AUTS2: variants seen among roughly 807,000 people sequenced by gnomAD.
AUTS2 encodes the protein autism susceptibility gene 2 protein.
Under a neutral mutation model 112.4 loss-of-function variants are expected in AUTS2, and 17 were observed. The ratio of observed to expected loss-of-function variants is 0.15; its 90% confidence interval spans 0.10 to 0.23. The LOEUF is 0.23. AUTS2 is among the 10% of genes least tolerant of loss of function. The pLI is 1.00. For synonymous variants in AUTS2, 751 were observed against 702.7 expected, an observed-to-expected ratio of 1.07 and a Z score of -1.09; for missense variants, 1,510 against 1,701.6, an observed-to-expected ratio of 0.89 and a Z score of 1.98.
intron 4 of AUTS2, among the ~76,000 whole-genome samples, chr7:70,187,729 T>G (rs1190440576): frequency 1.3e-5 from 2 of 151,056 alleles, no homozygotes; most frequent in Non-Finnish European, 2.9e-5. Flanking sequence ...GTACATGTCA[T>G]AATAAAAGGA....
Position 69,624,092 on chromosome 7 carries a change from C to G in AUTS2, c.309+24130C>G, listed in dbSNP as rs546962054. ...ATCTATGTTTTGATTCAGCCTTAAG[C>G]CAGTTCTTGACAGTGACTGTCTATT... On this transcript the variant is annotated intron_variant, in intron 1 of 18. Coordinates refer to ENST00000342771, the MANE Select transcript of AUTS2 (RefSeq NM_015570.4). Among the ~76,000 whole-genome samples, 3 of 152,242 alleles carry G rather than the reference C, an allele frequency of 2.0e-5. No homozygotes were observed. In the South Asian group the frequency reaches 6.2e-4, roughly 32 times the overall value.
chr7:69,696,999 A>G (rs1343536235), intron 1 of AUTS2, among the ~76,000 whole-genome samples: 1 of 152,248 alleles, frequency 6.6e-6, no homozygotes, highest in Non-Finnish European at 1.5e-5. Flanking sequence ...TCTAAGGGAT[A>G]GGTTAGGAAG....
intron 1 of AUTS2, among the ~76,000 whole-genome samples, chr7:69,898,097 G>A (rs1252798394): frequency 6.6e-6 from 1 of 152,022 alleles, no homozygotes; most frequent in Non-Finnish European, 1.5e-5. Context: ...ACATGTTTGA[G>A]GTAATGGATA....
chr7:70,780,266 T>TAGAG (rs1491391210), intron 14 of AUTS2, among the ~76,000 whole-genome samples: 1 of 152,086 alleles, frequency 6.6e-6, no homozygotes, highest in African/African-American at 2.4e-5. Flanking sequence ...GCCTCCAGCC[T>TAGAG]AGAGAAGGAT....
At chr7:69,747,139 C>T (rs2129260120) in intron 1 of AUTS2, among the ~76,000 whole-genome samples, 2 of 152,308 alleles carry the variant, frequency 1.3e-5, no homozygotes, top group Non-Finnish European at 2.9e-5. Flanking sequence ...GTTTCTGATT[C>T]AGGAGGTTTA....
chr7:70,007,704 G>A (rs1017113), intron 2 of AUTS2, among the ~76,000 whole-genome samples: 11,414 of 152,154 alleles, frequency 0.075, 525 homozygotes, highest in African/African-American at 0.11. Context: ...CACACAGTGC[G>A]CAATAGGTGA....
intron 5 of AUTS2, among the ~76,000 whole-genome samples, chr7:70,667,991 A>G (rs759754937): frequency 1.3e-5 from 2 of 152,224 alleles, no homozygotes; most frequent in Non-Finnish European, 2.9e-5. Flanking sequence ...AGGGTGGAGC[A>G]TGAGATTCTG....
intron 2 of AUTS2, among the ~76,000 whole-genome samples, chr7:70,038,984 T>C (rs544667733): frequency 2.0e-4 from 31 of 152,086 alleles, no homozygotes; most frequent in Middle Eastern, 3.4e-3. Context: ...GTCTCGAGCT[T>C]GTGGCCTCAG....
chr7:70,361,737 A>G (rs1477272610), intron 4 of AUTS2, among the ~76,000 whole-genome samples: 2 of 152,160 alleles, frequency 1.3e-5, no homozygotes, highest in Admixed American at 6.6e-5. Flanking sequence ...GGGAGTAAGT[A>G]ATACATGCTC....
chr7:70,023,867 A>G (rs1242487937), intron 2 of AUTS2, among the ~76,000 whole-genome samples: 3 of 152,194 alleles, frequency 2.0e-5, no homozygotes, highest in Admixed American at 6.5e-5. Flanking sequence ...AATGTAAACC[A>G]TAGTTTTTCC....
intron 5 of AUTS2, among the ~76,000 whole-genome samples, chr7:70,654,554 G>C (rs994383048): frequency 6.6e-6 from 1 of 151,984 alleles, no homozygotes; most frequent in Non-Finnish European, 1.5e-5. Context: ...AGGAGTTCCT[G>C]CAAAGAAAGA....
At chr7:70,644,286 G>A (rs762243488) in intron 5 of AUTS2, among the ~76,000 whole-genome samples, 8 of 152,154 alleles carry the variant, frequency 5.3e-5, no homozygotes, top group Non-Finnish European at 8.8e-5. Flanking sequence ...TTGAAGGGAC[G>A]GAGGAGTGGT....
intron 5 of AUTS2, among the ~76,000 whole-genome samples, chr7:70,486,858 G>A (rs1276967647): frequency 6.6e-6 from 1 of 150,978 alleles, no homozygotes; most frequent in Non-Finnish European, 1.5e-5. Context: ...AGTGGTGGTA[G>A]TGGTCCTTTT....
chr7:70,518,734 C>G lies in AUTS2; in HGVS notation c.690+82953C>G, dbSNP rs1285864714. Among the ~76,000 whole-genome samples, 3 of 152,090 alleles carry G rather than the reference C, an allele frequency of 2.0e-5. No individual in the cohort carries two copies. The East Asian group carries it at 5.9e-4, about 30-fold the overall frequency. ...TGTTTGTTTGTTTGAGACAGAGTCT[C>G]ACTCCATGACCCAGGCTGGAGTACA... is the stretch of plus-strand genomic sequence containing the variant. On this transcript the variant is annotated intron_variant, in intron 5 of 18. Transcript: ENST00000342771.
intron 2 of AUTS2, among the ~76,000 whole-genome samples, chr7:70,075,625 T>C (rs1357589211): frequency 2.0e-5 from 3 of 152,162 alleles, no homozygotes; most frequent in Non-Finnish European, 4.4e-5. Context: ...CAAATACACA[T>C]GGCTAAAAGG....
chr7:70,082,891 T>G (rs750621925), intron 2 of AUTS2, among the ~76,000 whole-genome samples: 7 of 152,210 alleles, frequency 4.6e-5, no homozygotes, highest in Non-Finnish European at 1.0e-4. Context: ...TTTTCTTATT[T>G]CCCATCTATC....
intron 2 of AUTS2, among the ~76,000 whole-genome samples, chr7:70,110,593 C>G (rs1304678095): frequency 1.3e-5 from 2 of 152,066 alleles, no homozygotes; most frequent in East Asian, 1.9e-4. Flanking sequence ...CCACTGAACC[C>G]CTTTAAATAA....
chr7:70,053,544 G>GTTTTTTTTTGTTTTTTTTTTTT (rs1801851493), intron 2 of AUTS2, among the ~76,000 whole-genome samples: 3 of 127,848 alleles, frequency 2.3e-5, no homozygotes, highest in African/African-American at 9.3e-5. Flanking sequence ...GTTTTGGGTG[G>GTTTTTTTTTGTTTTTTTTTTTT]TTTTTTTTTT....
chr7:70,365,927 G>A (rs577781866), intron 4 of AUTS2, among the ~76,000 whole-genome samples: 40 of 152,338 alleles, frequency 2.6e-4, no homozygotes, highest in Middle Eastern at 3.4e-3. Context: ...GGAAAGAGAC[G>A]GTGGGAAGCA....
Sources: gnomAD v4.1 joint callset for allele counts (sites outside exome capture counted in the v4.1 genomes callset) on GRCh38, gnomAD v4.1.1 for gene constraint, MANE v1.5 for transcripts, NCBI Gene and HGNC (gene_info 2026-07-23, HGNC 2026-07-21) for gene names.